ENTHD1: variants seen among roughly 807,000 people sequenced by gnomAD.
The protein encoded by ENTHD1 is ENTH domain-containing protein 1.
A neutral mutation model predicts 39.1 loss-of-function variants in ENTHD1; 23 were observed. The observed-to-expected ratio is 0.59, with a 90% CI of 0.42 to 0.83. The LOEUF (loss-of-function observed/expected upper bound fraction) is 0.83, where lower values mean the gene tolerates loss of function less well. Ranked by LOEUF, ENTHD1 falls within the 40% of genes least tolerant of loss-of-function variation. The pLI, the probability that ENTHD1 is intolerant of heterozygous loss-of-function variation, is 0.00. For missense variants in ENTHD1, 624 were observed against 705.4 expected (o/e 0.88, Z 1.31); for synonymous variants, 230 against 258.2 (o/e 0.89, Z 1.05).
At chr22:39,785,435 C>T (rs956057566) in intron 5 of ENTHD1, among the ~76,000 whole-genome samples, 5 of 152,236 alleles carry the variant, frequency 3.3e-5, no homozygotes, top group African/African-American at 4.8e-5. Flanking sequence ...CTGCTTTGAT[C>T]TTCCCCCACA....
At chr22:39,852,496 A>G (rs527249091) in intron 3 of ENTHD1, among the ~76,000 whole-genome samples, 3 of 152,382 alleles carry the variant, frequency 2.0e-5, no homozygotes, top group African/African-American at 7.2e-5. Context: ...CCCTAACAAC[A>G]GGGATGCTTT....
chr22:39,800,039 G>A (rs780505675), intron 5 of ENTHD1, among the ~76,000 whole-genome samples: 15 of 152,172 alleles, frequency 9.9e-5, no homozygotes, highest in South Asian at 4.1e-4. Context: ...TCCCTCTCTG[G>A]AGCAATCTAT....
chr22:39,830,537 A>G (rs2065861287), intron 4 of ENTHD1, among the ~76,000 whole-genome samples: 1 of 152,218 alleles, frequency 6.6e-6, no homozygotes, highest in African/African-American at 2.4e-5. Context: ...AATAATAATA[A>G]TAATTCCAAC....
intron 4 of ENTHD1, among the ~76,000 whole-genome samples, chr22:39,821,358 C>T (rs1379983344): frequency 6.6e-6 from 1 of 152,192 alleles, no homozygotes; most frequent in Non-Finnish European, 1.5e-5. Context: ...GCTTAGGGCA[C>T]TACCTTTACC....
rs77145759 is a variant in ENTHD1, at chr22:39,774,578, C to A, written c.833-8969G>T. 9.4e-3 allele frequency among the ~76,000 whole-genome samples: 1,429 copies of A among 152,268 alleles called. 26 individuals are homozygous for A. Among genetic ancestry groups the A allele is most frequent in the African/African-American group, 0.033 (1,376 of 41,552 alleles). On this transcript the variant is annotated intron_variant, in intron 5 of 6. Transcript: ENST00000325157. ...CTAAGAGGTCTCTCCAGCTTACCCCCTCAGTCCACTCTACACAGCCCAGCC... is the reference window on the plus strand; with the variant it reads ...CTAAGAGGTCTCTCCAGCTTACCCCATCAGTCCACTCTACACAGCCCAGCC...
intron 5 of ENTHD1, among the ~76,000 whole-genome samples, chr22:39,781,617 T>TAAACCC (rs1268185576): frequency 6.6e-6 from 1 of 151,600 alleles, no homozygotes; most frequent in Non-Finnish European, 1.5e-5. Context: ...GAAGCAGGAA[T>TAAACCC]AAACCCAAAC....
chr22:39,805,324 G>T (rs999644244), intron 5 of ENTHD1, among the ~76,000 whole-genome samples: 1 of 152,198 alleles, frequency 6.6e-6, no homozygotes, highest in Non-Finnish European at 1.5e-5. Flanking sequence ...AGTTGGGAGG[G>T]TGTGGGAAGG....
intron 6 of ENTHD1, among the ~76,000 whole-genome samples, chr22:39,763,279 T>G (rs2065250458): frequency 6.6e-6 from 1 of 152,188 alleles, no homozygotes; most frequent in Non-Finnish European, 1.5e-5. Context: ...CATAGCTCAC[T>G]GGCCTCTTAG....
chr22:39,807,862 T>G (rs1033938397), intron 5 of ENTHD1, among the ~76,000 whole-genome samples: 11 of 151,434 alleles, frequency 7.3e-5, no homozygotes, highest in East Asian at 1.9e-4. Context: ...GTTTTAGGGG[T>G]GTGTGTGTGT....
At chr22:39,831,539 T>C (rs986689980) in intron 4 of ENTHD1, among the ~76,000 whole-genome samples, 2 of 151,984 alleles carry the variant, frequency 1.3e-5, no homozygotes. Context: ...TAAAGAAATA[T>C]AGGGGCCAGG....
intron 3 of ENTHD1, among the ~76,000 whole-genome samples, chr22:39,852,567 C>T (rs1305484048): frequency 6.6e-6 from 1 of 152,188 alleles, no homozygotes; most frequent in Admixed American, 6.5e-5. Flanking sequence ...TGTACTTACA[C>T]ACATTGAGAT....
At chr22:39,785,602 G>A (rs1385988037) in intron 5 of ENTHD1, among the ~76,000 whole-genome samples, 4 of 152,112 alleles carry the variant, frequency 2.6e-5, no homozygotes, top group Non-Finnish European at 5.9e-5. Context: ...TCTGTATGGC[G>A]GGTCCAAATG....
At chr22:39,828,597 A>G (rs1345771561) in intron 4 of ENTHD1, among the ~76,000 whole-genome samples, 1 of 152,210 alleles carries the variant, frequency 6.6e-6, no homozygotes, top group East Asian at 1.9e-4. Context: ...TCACAACTAG[A>G]CTGAAGGTTT....
chr22:39,891,994 T>C (rs906453551), intron 1 of ENTHD1, among the ~76,000 whole-genome samples: 8 of 152,224 alleles, frequency 5.3e-5, no homozygotes, highest in African/African-American at 1.4e-4. Flanking sequence ...TAAAGCATGA[T>C]ATTAAAAAAA....
At chr22:39,776,761 G>T (rs1050685666) in intron 5 of ENTHD1, among the ~76,000 whole-genome samples, 1 of 152,164 alleles carries the variant, frequency 6.6e-6, no homozygotes, top group East Asian at 1.9e-4. Context: ...GAATACTTTT[G>T]CCAGTTTGCA....
At chr22:39,819,586 G>A (rs926741186) in intron 5 of ENTHD1, among the ~76,000 whole-genome samples, 3 of 152,270 alleles carry the variant, frequency 2.0e-5, no homozygotes, top group African/African-American at 4.8e-5. Context: ...TTAGGGGTTA[G>A]TGGGAGGGAG....
intron 5 of ENTHD1, among the ~76,000 whole-genome samples, chr22:39,804,277 G>A (rs568015123): frequency 2.8e-4 from 42 of 151,508 alleles, no homozygotes; most frequent in African/African-American, 1.0e-3. Flanking sequence ...TCTGAGTCCA[G>A]GAGTTCAAGA....
rs562287844 is a variant in ENTHD1, at chr22:39,808,437, T to C, written c.832+12556A>G. Among the ~76,000 whole-genome samples the C allele has an allele frequency of 4.0e-4, 61 of 152,308 alleles. 2 individuals are homozygous for C. In the South Asian group the frequency reaches 0.012, roughly 31 times the overall value. On this transcript the variant is annotated intron_variant, in intron 5 of 6. Coordinates refer to ENST00000325157, the MANE Select transcript of ENTHD1 (RefSeq NM_152512.4). Reference sequence around the variant, plus strand: ...AGTACACAGTAGGCATTTAGTAAATTTCTGTGGGATGAATAACTTACCCTT... The same window carrying C: ...AGTACACAGTAGGCATTTAGTAAATCTCTGTGGGATGAATAACTTACCCTT...
chr22:39,850,698 T>C (rs1316764664), intron 3 of ENTHD1, among the ~76,000 whole-genome samples: 1 of 152,168 alleles, frequency 6.6e-6, no homozygotes, highest in Non-Finnish European at 1.5e-5. Flanking sequence ...TCTTTTAAAG[T>C]TTATTCTTGA....
Sources: gnomAD v4.1 joint callset for allele counts (sites outside exome capture counted in the v4.1 genomes callset) on GRCh38, gnomAD v4.1.1 for gene constraint, MANE v1.5 for transcripts, NCBI Gene and HGNC (gene_info 2026-07-23, HGNC 2026-07-21) for gene names.